Variants in SCN10A observed in about 807,000 individuals in gnomAD.
SCN10A encodes the protein sodium voltage-gated channel alpha subunit 10, also known as sodium channel protein type 10 subunit alpha.
Under a neutral mutation model 170.7 loss-of-function variants are expected in SCN10A, and 162 were observed. The ratio of observed to expected loss-of-function variants is 0.95; its 90% CI spans 0.84 to 1.08. The LOEUF (loss-of-function observed/expected upper bound fraction) is 1.08, where lower values mean the gene tolerates loss of function less well. Ranked by LOEUF, SCN10A falls within the 50% of genes least tolerant of loss-of-function variation. The pLI, the probability that SCN10A is intolerant of heterozygous loss-of-function variation, is 0.00. For synonymous variants in SCN10A, 985 were observed against 904.6 expected, an observed-to-expected ratio of 1.09 and a Z score of -1.59; for missense variants, 2,527 against 2,436.9, an observed-to-expected ratio of 1.04 and a Z score of -0.78.
intron 4 of SCN10A, among the ~76,000 whole-genome samples, chr3:38,772,742 A>AAAAAC (rs1575168282): frequency 6.8e-6 from 1 of 147,384 alleles, no homozygotes; most frequent in Admixed American, 6.7e-5. Context: ...AAAACAAAAA[A>AAAAAC]AAAAAAACCT....
intron 4 of SCN10A, among the ~76,000 whole-genome samples, chr3:38,788,455 C>T (rs1229451534): frequency 2.0e-5 from 3 of 152,156 alleles, no homozygotes; most frequent in African/African-American, 7.2e-5. Context: ...ACTTAAACAG[C>T]TTCATTTATG....
At chr3:38,735,937 G>A (rs1026203954) in intron 15 of SCN10A, among the ~76,000 whole-genome samples, 1 of 152,138 alleles carries the variant, frequency 6.6e-6, no homozygotes, top group African/African-American at 2.4e-5. Flanking sequence ...AGAAACTCTG[G>A]TTTTTGCCTC....
In SCN10A at chr3:38,788,954, A is replaced by G. The variant is rs770453628; in HGVS notation, c.470+2T>C. On this transcript the variant is annotated splice_donor_variant, in intron 4 of 27. Coordinates refer to ENST00000449082, the MANE Select transcript of SCN10A (RefSeq NM_006514.4). LOFTEE classifies it high-confidence loss of function. ...TACAATAATGATAGCAAATCTACTCACTCAATTTTCTCTGGAAGGTCAGTT... is the reference window on the plus strand; with the variant it reads ...TACAATAATGATAGCAAATCTACTCGCTCAATTTTCTCTGGAAGGTCAGTT... 6.4e-7 allele frequency: 1 copy of G among 1,567,042 alleles called. No homozygotes were observed. Among genetic ancestry groups the G allele is most frequent in the East Asian group, 2.2e-5 (1 of 44,634 alleles).
Position 38,728,718 on chromosome 3 carries a change from C to A in SCN10A, c.2464G>T (p.Ala822Ser), listed in dbSNP as rs144304164. The change falls in exon 16 of 28, where the codon GCG (alanine) becomes TCG (serine). Residue 822 changes from alanine (A) to serine (S), a missense_variant. Transcript: ENST00000449082. ...NYRNNRKNISAPHEDWPRWHM... is the reference protein window; with the variant it reads ...NYRNNRKNISSPHEDWPRWHM... ...CAGCGGGGCCAGTCTTCATGGGGCGCGGAGATATTTTTTCGGTTGTTACGG... is the reference window on the plus strand; with the variant it reads ...CAGCGGGGCCAGTCTTCATGGGGCGAGGAGATATTTTTTCGGTTGTTACGG... The A allele has an allele frequency of 1.2e-6, 2 of 1,614,004 alleles. No individual in the cohort carries two copies. The highest frequency in any genetic ancestry group is 2.7e-5 in the African/African-American group (2 of 74,896).
chr3:38,702,232 C>T, intron 26 of SCN10A, 123 bp from the exon 27 acceptor site: 1 of 1,028,602 alleles, frequency 9.7e-7, no homozygotes, highest in Non-Finnish European at 1.3e-6. Flanking sequence ...GAAATACTAT[C>T]CTTACCTCTT....
intron 14 of SCN10A, 56 bp downstream of exon 14, chr3:38,742,235 C>CA: frequency 8.1e-7 from 1 of 1,235,876 alleles, no homozygotes; most frequent in Non-Finnish European, 1.2e-6. Context: ...ACCCTGCCAT[C>CA]ATCCCCACCC....
chr3:38,717,482 T>G (rs1559419269), intron 21 of SCN10A, among the ~76,000 whole-genome samples: 2 of 152,220 alleles, frequency 1.3e-5, no homozygotes, highest in African/African-American at 4.8e-5. Flanking sequence ...TATGAATAAT[T>G]ATTTCATATG....
chr3:38,777,787 C>A (rs1404448301), intron 4 of SCN10A, among the ~76,000 whole-genome samples: 1 of 151,910 alleles, frequency 6.6e-6, no homozygotes, highest in East Asian at 1.9e-4. Context: ...GAATCTGGTG[C>A]ATGGCAGAAG....
intron 26 of SCN10A, among the ~76,000 whole-genome samples, chr3:38,704,606 T>G (rs548776154): frequency 6.6e-6 from 1 of 152,206 alleles, no homozygotes; most frequent in African/African-American, 2.4e-5. Context: ...TAAAGTGGAG[T>G]ATGTGAGAGC....
chr3:38,777,382 G>A (rs1167413122), intron 4 of SCN10A, among the ~76,000 whole-genome samples: 1 of 151,778 alleles, frequency 6.6e-6, no homozygotes, highest in Admixed American at 6.6e-5. Flanking sequence ...GTATTCAATA[G>A]GGCAACCAAA....
chr3:38,729,703 G>C (rs1208661676), intron 15 of SCN10A, among the ~76,000 whole-genome samples: 3 of 152,160 alleles, frequency 2.0e-5, no homozygotes, highest in African/African-American at 7.2e-5. Context: ...TATTTGTATG[G>C]TTCTCTAATT....
rs1421961981 is a variant in SCN10A at position 38,756,761 on chromosome 3, C to T, written c.1203G>A (p.Glu401=). The change falls in exon 10 of 28, where the codon GAG becomes GAA. Residue 401 remains glutamate, a synonymous_variant. Coordinates refer to ENST00000449082, the MANE Select transcript of SCN10A (RefSeq NM_006514.4). ...LILAVVTMAY[E]EQNQATTDEI... is the part of the protein sequence containing the mutation. Reference sequence around the variant, plus strand: ...CATCAGTGGTTGCCTGGTTCTGCTCCTCATACGCCATGGTGACTACAGCCA... The same window carrying T: ...CATCAGTGGTTGCCTGGTTCTGCTCTTCATACGCCATGGTGACTACAGCCA... 6.2e-7 allele frequency: 1 copy of T among 1,614,176 alleles called. No homozygotes were observed. Among genetic ancestry groups the T allele is most frequent in the Non-Finnish European group, 8.5e-7 (1 of 1,180,026 alleles).
In SCN10A at chr3:38,752,396, A is replaced by G. The variant is rs759042231; in HGVS notation, c.1578T>C (p.Phe526=). 17 of 1,613,858 alleles carry G rather than the reference A, an allele frequency of 1.1e-5. No homozygotes were observed. The South Asian group carries it at 1.9e-4, about 18-fold the overall frequency. Reference sequence around the variant, plus strand: ...CCCGATGGCTTTCGTGGTCTCCAGGAAAGACTCCATCATCTGTGACTCCCT... The same window carrying G: ...CCCGATGGCTTTCGTGGTCTCCAGGGAAGACTCCATCATCTGTGACTCCCT... ...LPEGVTDDGV[F]PGDHESHRGS... Residue 526 remains phenylalanine, a synonymous_variant, in exon 12 of 28, where the codon TTT becomes TTC. Transcript: ENST00000449082.
Position 38,697,662 on chromosome 3 carries a change from A to G in SCN10A, c.5558T>C (p.Ile1853Thr). Reference protein sequence around the residue: ...ATTLRWKQEDISATVIQKAYR... With the variant: ...ATTLRWKQEDTSATVIQKAYR... ...GGCCTTTTGAATGACAGTGGCTGAA[A>G]TGTCTTCTTGCTTCCATCGGAGAGT... The change falls in exon 28 of 28, where the codon ATT (isoleucine) becomes ACT (threonine). Residue 1853 changes from isoleucine to threonine, a missense_variant. Physicochemically the swap from Ile to Thr is moderately conservative, Grantham distance 89 (BLOSUM62 -1). Transcript: ENST00000449082. 1.9e-6 allele frequency: 3 copies of G among 1,614,174 alleles called. No individual in the cohort carries two copies. The highest frequency in any genetic ancestry group is 2.5e-6 in the Non-Finnish European group (3 of 1,180,036).
chr3:38,813,527 G>A (rs964193380), intron 1 of SCN10A, among the ~76,000 whole-genome samples: 2 of 152,142 alleles, frequency 1.3e-5, no homozygotes, highest in African/African-American at 2.4e-5. Flanking sequence ...TGTGACATAG[G>A]TATTATTATG....
At chr3:38,799,091 T>C (rs2064357038) in intron 1 of SCN10A, among the ~76,000 whole-genome samples, 2 of 152,170 alleles carry the variant, frequency 1.3e-5, no homozygotes, top group East Asian at 3.9e-4. Context: ...CCCTTTTGCC[T>C]TCTTAATATC....
intron 4 of SCN10A, among the ~76,000 whole-genome samples, chr3:38,784,688 A>G (rs111771510): frequency 0.23 from 34,320 of 152,020 alleles, 4,278 homozygotes; most frequent in Middle Eastern, 0.28. Flanking sequence ...GAGGAAGTCA[A>G]ATTGTCTCTG....
intron 14 of SCN10A, among the ~76,000 whole-genome samples, chr3:38,740,326 G>A (rs929091421): frequency 6.6e-6 from 1 of 152,156 alleles, no homozygotes; most frequent in Non-Finnish European, 1.5e-5. Flanking sequence ...AACCAGGCTC[G>A]GGTAACACAA....
At chr3:38,723,921 A>G (rs2063424848) in intron 18 of SCN10A, among the ~76,000 whole-genome samples, 1 of 152,214 alleles carries the variant, frequency 6.6e-6, no homozygotes, top group African/African-American at 2.4e-5. Context: ...TCATATTAGT[A>G]AACCTGATAG....
Sources: allele counts gnomAD v4.1 joint callset (sites outside exome capture counted in the v4.1 genomes callset), GRCh38; gene constraint gnomAD v4.1.1; transcripts MANE v1.5; gene names NCBI Gene and HGNC (gene_info 2026-07-23, HGNC 2026-07-21).